Variants in SRSF11 observed in about 807,000 individuals in gnomAD.
The protein encoded by SRSF11 is serine and arginine rich splicing factor 11, also known as serine/arginine-rich splicing factor 11.
A neutral mutation model predicts 56.0 loss-of-function variants in SRSF11; 9 were observed. The ratio of observed to expected loss-of-function variants is 0.16; its 90% CI spans 0.10 to 0.28. The LOEUF (loss-of-function observed/expected upper bound fraction) is 0.28, where lower values mean the gene tolerates loss of function less well. SRSF11 is among the 10% of genes least tolerant of loss of function. The pLI is 1.00. For missense variants in SRSF11, 421 were observed against 600.7 expected (o/e 0.70, Z 3.13); for synonymous variants, 222 against 215.3 (o/e 1.03, Z -0.27).
intron 1 of SRSF11, among the ~76,000 whole-genome samples, chr1:70,226,650 TATAAG>T (rs1671851930): frequency 6.6e-6 from 1 of 152,190 alleles, no homozygotes; most frequent in Non-Finnish European, 1.5e-5. Flanking sequence ...GTGTTAATAA[TATAAG>T]ATGATAGCAT....
intron 7 of SRSF11, among the ~76,000 whole-genome samples, chr1:70,243,773 G>A (rs1571905590): frequency 6.6e-6 from 1 of 152,272 alleles, no homozygotes; most frequent in East Asian, 1.9e-4. Flanking sequence ...AGAATGGGCC[G>A]GTTGTGGTGG....
At chr1:70,243,105 G>A (rs1210645630) in intron 7 of SRSF11, among the ~76,000 whole-genome samples, 1 of 151,862 alleles carries the variant, frequency 6.6e-6, no homozygotes, top group African/African-American at 2.4e-5. Context: ...GTTGTTTTAG[G>A]GAGTTATGGC....
intron 3 of SRSF11, among the ~76,000 whole-genome samples, chr1:70,233,519 C>T (rs1272960236): frequency 6.6e-6 from 1 of 152,180 alleles, no homozygotes; most frequent in Non-Finnish European, 1.5e-5. Context: ...GGATTACAGG[C>T]GTGAGCCACC....
Position 70,247,062 on chromosome 1 carries a change from T to C in SRSF11, c.1022+155T>C, listed in dbSNP as rs986970225. 2.7e-6 allele frequency: 3 copies of C among 1,121,760 alleles called. No individual in the cohort carries two copies. The African/African-American group carries it at 4.9e-5, about 18-fold the overall frequency. The allele number at this position is 1,121,760 out of a possible 1,614,324, so 69.5% of individuals were successfully genotyped here. ...GTTATTTAAAGTTTTTAAAAGGCAATTTGTGAAGAATAATGTAGTTTATTT... is the reference window on the plus strand; with the variant it reads ...GTTATTTAAAGTTTTTAAAAGGCAACTTGTGAAGAATAATGTAGTTTATTT... On this transcript the variant is annotated intron_variant, in intron 9 of 11. Coordinates refer to ENST00000370949, the MANE Select transcript of SRSF11 (RefSeq NM_001350605.2).
At chr1:70,212,615 A>G (rs1669662266) in intron 1 of SRSF11, among the ~76,000 whole-genome samples, 1 of 152,146 alleles carries the variant, frequency 6.6e-6, no homozygotes, top group Non-Finnish European at 1.5e-5. Flanking sequence ...TGTTGGTGTC[A>G]TGTTTGTATT....
chr1:70,241,680 A>G (rs776471917), intron 7 of SRSF11, among the ~76,000 whole-genome samples: 1 of 152,108 alleles, frequency 6.6e-6, no homozygotes, highest in Non-Finnish European at 1.5e-5. Context: ...TCTGCTCATG[A>G]TCCTTTCTGC....
chr1:70,212,808 G>A lies in SRSF11; in HGVS notation c.-26+7028G>A, dbSNP rs575505970. ...AGGAAAGCCAAGTGTCGTGGCTGAT[G>A]CCTGTAATCCCAGCACTTTGGGATG... On this transcript the variant is annotated intron_variant, in intron 1 of 12. Coordinates refer to the SRSF11 transcript ENST00000370950. Among the ~76,000 whole-genome samples the A allele has an allele frequency of 5.3e-5, 8 of 152,302 alleles. No individual in the cohort carries two copies. The South Asian group carries it at 1.7e-3, about 32-fold the overall frequency.
chr1:70,247,853 A>G (rs1316223111), intron 9 of SRSF11, among the ~76,000 whole-genome samples: 1 of 152,138 alleles, frequency 6.6e-6, no homozygotes, highest in Non-Finnish European at 1.5e-5. Context: ...AAAAATGGCA[A>G]AGAATCTGTA....
chr1:70,221,157 T>C (rs1670511700), upstream of SRSF11: 2 of 156,026 alleles, frequency 1.3e-5, no homozygotes, highest in African/African-American at 4.9e-5. Context: ...GGATGAATGC[T>C]TTTTTTAAAA....
intron 9 of SRSF11, chr1:70,249,101 A>T (rs895401800): frequency 2.0e-5 from 3 of 152,132 alleles, no homozygotes; most frequent in African/African-American, 7.2e-5. Context: ...GGAAGGCTGT[A>T]TATCAGCTGT....
At chr1:70,231,441 G>C in intron 2 of SRSF11, 3 of 1,044,268 alleles carry the variant, frequency 2.9e-6, no homozygotes, top group Non-Finnish European at 3.5e-6. Flanking sequence ...TTTAAAAACA[G>C]ATATATATGT....
rs978503544 is a variant in SRSF11, at chr1:70,251,890, C to T, written c.*1085C>T. The stretch of plus-strand genomic sequence containing the variant: ...ACTGTTTTCTTAGTTACAGAAGTTT[C>T]AAGCTTCACTTTTGTGCAGTAGAAA... On this transcript the variant is annotated 3_prime_UTR_variant, in exon 12 of 12. Transcript: ENST00000370949. 12 of 152,566 alleles carry T rather than the reference C, an allele frequency of 7.9e-5. No individual in the cohort carries two copies. The highest frequency in any genetic ancestry group is 2.7e-4 in the African/African-American group (11 of 41,442). The allele number at this position is 152,566 out of a possible 1,614,324, so 9.5% of individuals were successfully genotyped here.
chr1:70,237,164 T>A (rs1239863595), intron 5 of SRSF11, among the ~76,000 whole-genome samples: 1 of 152,208 alleles, frequency 6.6e-6, no homozygotes, highest in African/African-American at 2.4e-5. Flanking sequence ...AAAATGTGTT[T>A]GTTTATGGAA....
rs1676850020 is a variant in SRSF11, at chr1:70,246,700, AAC to A, written c.933-116_933-115del. Reference sequence around the variant, plus strand: ...TTTTTAAAACAGTTTCTGTCAGAACAACATTTATGCTTTTAAGGATGGGATTA... The same window carrying A: ...TTTTTAAAACAGTTTCTGTCAGAACAATTTATGCTTTTAAGGATGGGATTA... On this transcript the variant is annotated intron_variant, in intron 8 of 11. Coordinates refer to ENST00000370949, the MANE Select transcript of SRSF11 (RefSeq NM_001350605.2). 3 of 534,018 alleles carry A rather than the reference AAC, an allele frequency of 5.6e-6. No homozygotes were observed. In the South Asian group the frequency reaches 1.2e-4, roughly 21 times the overall value. 33.1% of individuals were successfully genotyped at this position (534,018 alleles called of 1,614,324 possible).
chr1:70,244,559 G>C, intron 7 of SRSF11, 125 bp from the exon 8 acceptor site: 1 of 1,026,366 alleles, frequency 9.7e-7, no homozygotes, highest in Non-Finnish European at 1.4e-6. Context: ...ATAGCAAATG[G>C]AAGGGAATTA....
chr1:70,231,294 C>T (rs2100738031), intron 2 of SRSF11: 1 of 1,166,768 alleles, frequency 8.6e-7, no homozygotes, highest in East Asian at 6.0e-5. Context: ...TATTATTGAA[C>T]TCTCATTTTG....
At position 70,252,267 on chromosome 1, in the gene SRSF11, T is replaced by C. The variant is rs191425541; in HGVS notation, c.*1462T>C. Reference sequence around the variant, plus strand: ...TGGGGTTGGATAAAGCAATGAACTTTAGTATAAACAAATCCCACCTATATC... The same window carrying C: ...TGGGGTTGGATAAAGCAATGAACTTCAGTATAAACAAATCCCACCTATATC... On this transcript the variant is annotated 3_prime_UTR_variant, in exon 12 of 12. Coordinates refer to ENST00000370949, the MANE Select transcript of SRSF11 (RefSeq NM_001350605.2). The C allele has an allele frequency of 3.3e-5, 5 of 152,278 alleles. No homozygotes were observed. Among genetic ancestry groups the C allele is most frequent in the Admixed American group, 1.3e-4 (2 of 15,304 alleles). 9.4% of individuals were successfully genotyped at this position (152,278 alleles called of 1,614,324 possible).
rs780679181 is a variant in SRSF11 at position 70,221,493 on chromosome 1, C to T, written c.-144C>T. On this transcript the variant is annotated 5_prime_UTR_variant, in exon 1 of 12. Transcript: ENST00000370949. ...CGGCGGGGCGGAGAAACGGCGGCGG[C>T]GGCGGCGGCATCGGCAGCAGTAGCA... 4.2e-6 allele frequency: 5 copies of T among 1,204,590 alleles called. No homozygotes were observed. Among genetic ancestry groups the T allele is most frequent in the Middle Eastern group, 2.4e-4 (1 of 4,220 alleles). 74.6% of individuals were successfully genotyped at this position (1,204,590 alleles called of 1,614,324 possible).
rs569269300 is a variant in SRSF11 at position 70,228,935 on chromosome 1, C to T, written c.337+380C>T. The T allele has an allele frequency of 8.5e-5, 84 of 983,770 alleles. No homozygotes were observed. In the African/African-American group the frequency reaches 1.4e-3, roughly 16 times the overall value. The allele number at this position is 983,770 out of a possible 1,614,324, so 60.9% of individuals were successfully genotyped here. On this transcript the variant is annotated intron_variant, in intron 2 of 11. Transcript: ENST00000370949. ...TTCAAATAAATGCATGATGTTATTTCTGTTTTAAATAAATGAGTAGGTTGA... is the reference window on the plus strand; with the variant it reads ...TTCAAATAAATGCATGATGTTATTTTTGTTTTAAATAAATGAGTAGGTTGA...
Sources: gnomAD v4.1 joint callset for allele counts (sites outside exome capture counted in the v4.1 genomes callset) on GRCh38, gnomAD v4.1.1 for gene constraint, MANE v1.5 for transcripts, NCBI Gene and HGNC (gene_info 2026-07-23, HGNC 2026-07-21) for gene names.